ZNF385D: variants seen among roughly 807,000 people sequenced by gnomAD.
ZNF385D encodes zinc finger protein 659.
In ZNF385D, 15 loss-of-function variants were observed where a neutral mutation model predicts 35.8. The ratio of observed to expected loss-of-function variants is 0.42; its 90% confidence interval spans 0.28 to 0.64. ZNF385D has a LOEUF of 0.64. Ranked by LOEUF, ZNF385D falls within the 30% of genes least tolerant of loss-of-function variation. The pLI is 0.23. For missense variants in ZNF385D, 474 were observed against 494.6 expected (o/e 0.96, Z 0.39); for synonymous variants, 212 against 186.8 (o/e 1.13, Z -1.10).
intron 2 of ZNF385D, among the ~76,000 whole-genome samples, chr3:22,315,741 G>A (rs1283418300): frequency 6.6e-6 from 1 of 152,136 alleles, no homozygotes; most frequent in Non-Finnish European, 1.5e-5. Flanking sequence ...GTCATTCCCA[G>A]GAAAAAGCCA....
At chr3:22,124,732 A>G (rs757068241) in intron 3 of ZNF385D, among the ~76,000 whole-genome samples, 10 of 152,122 alleles carry the variant, frequency 6.6e-5, no homozygotes, top group African/African-American at 2.4e-4. Context: ...CGAATTGTCT[A>G]TTCAGATCTT....
chr3:22,285,994 A>C (rs546730932), intron 2 of ZNF385D, among the ~76,000 whole-genome samples: 1 of 152,234 alleles, frequency 6.6e-6, no homozygotes, highest in Non-Finnish European at 1.5e-5. Context: ...TCTCCACAGC[A>C]TTTCTTATTA....
At chr3:22,108,944 G>A (rs931248463) in intron 3 of ZNF385D, among the ~76,000 whole-genome samples, 8 of 152,102 alleles carry the variant, frequency 5.3e-5, no homozygotes, top group South Asian at 2.1e-4. Context: ...CCTGAGAAGC[G>A]GAGGTTGCAA....
chr3:21,643,338 T>A (rs1374098835), intron 2 of ZNF385D, among the ~76,000 whole-genome samples: 3 of 151,912 alleles, frequency 2.0e-5, no homozygotes, highest in African/African-American at 2.4e-5. Context: ...AATAAGAAGG[T>A]GAGTAGCAGA....
At chr3:21,526,818 T>C (rs1708254876) in intron 3 of ZNF385D, among the ~76,000 whole-genome samples, 1 of 152,228 alleles carries the variant, frequency 6.6e-6, no homozygotes, top group Non-Finnish European at 1.5e-5. Context: ...ATTAGCTAAT[T>C]GGAATGGCTT....
At position 22,020,995 on chromosome 3, in the gene ZNF385D, C is replaced by A. The variant is rs147092739; in HGVS notation, c.325+147822G>T. ...GCAGCAATATGGATGGAACAGGAGG[C>A]CATTATCTTAGGTGAAATAAGTCAG... is the stretch of plus-strand genomic sequence containing the variant. On this transcript the variant is annotated intron_variant, in intron 3 of 5. Transcript: ENST00000494108. 3.9e-3 allele frequency among the ~76,000 whole-genome samples: 588 copies of A among 151,742 alleles called. 1 individual carries two copies. Among genetic ancestry groups the A allele is most frequent in the African/African-American group, 0.014 (559 of 41,396 alleles).
chr3:22,093,957 T>A (rs780593824), intron 3 of ZNF385D, among the ~76,000 whole-genome samples: 3 of 152,084 alleles, frequency 2.0e-5, no homozygotes, highest in Non-Finnish European at 4.4e-5. Context: ...CCCCACCCAC[T>A]TGGTTCCATC....
intron 3 of ZNF385D, among the ~76,000 whole-genome samples, chr3:22,061,834 C>G (rs977747133): frequency 4.6e-5 from 7 of 152,128 alleles, no homozygotes; most frequent in Admixed American, 1.3e-4. Context: ...GATTACCTTT[C>G]TTTACACATC....
chr3:21,587,680 G>C (rs923990109), intron 2 of ZNF385D, among the ~76,000 whole-genome samples: 1 of 152,140 alleles, frequency 6.6e-6, no homozygotes, highest in Non-Finnish European at 1.5e-5. Flanking sequence ...TTAAATATAA[G>C]AATTATTGGT....
chr3:21,484,143 G>A (rs1289608699), intron 4 of ZNF385D, among the ~76,000 whole-genome samples: 3 of 152,160 alleles, frequency 2.0e-5, no homozygotes, highest in Non-Finnish European at 2.9e-5. Flanking sequence ...CTGAAATAAT[G>A]TGCTTAGAGA....
At chr3:21,582,053 A>T (rs1432862540) in intron 2 of ZNF385D, among the ~76,000 whole-genome samples, 1 of 152,214 alleles carries the variant, frequency 6.6e-6, no homozygotes, top group Non-Finnish European at 1.5e-5. Context: ...AGGGTACAGT[A>T]TTATCCTCAT....
At chr3:21,802,132 T>G (rs1039761631) in intron 3 of ZNF385D, among the ~76,000 whole-genome samples, 3 of 152,156 alleles carry the variant, frequency 2.0e-5, no homozygotes, top group African/African-American at 4.8e-5. Context: ...TGGAGACATT[T>G]TGCATAAAAT....
At chr3:21,889,268 G>C (rs1054209125) in intron 3 of ZNF385D, among the ~76,000 whole-genome samples, 4 of 152,102 alleles carry the variant, frequency 2.6e-5, no homozygotes, top group Non-Finnish European at 4.4e-5. Context: ...AACACAGCAG[G>C]CCTAGTATTG....
intron 3 of ZNF385D, among the ~76,000 whole-genome samples, chr3:22,009,305 T>C (rs1480059273): frequency 3.3e-5 from 5 of 151,932 alleles, no homozygotes; most frequent in Non-Finnish European, 5.9e-5. Flanking sequence ...TACTATGGAA[T>C]ATTATATATT....
intron 2 of ZNF385D, among the ~76,000 whole-genome samples, chr3:22,313,747 T>C (rs949880585): frequency 2.0e-5 from 3 of 152,178 alleles, no homozygotes; most frequent in Non-Finnish European, 2.9e-5. Context: ...AAAGTGATTT[T>C]AAAAATTTCT....
intron 2 of ZNF385D, among the ~76,000 whole-genome samples, chr3:22,195,222 A>G (rs1576477424): frequency 6.6e-6 from 1 of 152,028 alleles, no homozygotes; most frequent in East Asian, 1.9e-4. Flanking sequence ...CTTAATGACT[A>G]ATGATATTGA....
Position 22,162,981 on chromosome 3 carries a change from G to C in ZNF385D, c.325+5836C>G, listed in dbSNP as rs376565772. ...CGTAAGAAAAGCAGGACATAGTAGA[G>C]AGTGAGGTTAGCCTGTGATAGAATT... On this transcript the variant is annotated intron_variant, in intron 3 of 5. Transcript: ENST00000494108. Among the ~76,000 whole-genome samples, 5 of 152,286 alleles carry C rather than the reference G, an allele frequency of 3.3e-5. No individual in the cohort carries two copies. The South Asian group carries it at 6.2e-4, about 19-fold the overall frequency.
chr3:22,330,510 G>T (rs916210044), intron 2 of ZNF385D, among the ~76,000 whole-genome samples: 1 of 151,752 alleles, frequency 6.6e-6, no homozygotes, highest in African/African-American at 2.4e-5. Flanking sequence ...GAGCTTTTTT[G>T]TATCCCTGGT....
intron 1 of ZNF385D, among the ~76,000 whole-genome samples, chr3:21,681,979 C>G (rs575901289): frequency 6.6e-6 from 1 of 152,064 alleles, no homozygotes; most frequent in Admixed American, 6.6e-5. Flanking sequence ...ATAGTGAAAA[C>G]CATCATGACA....
Sources: allele counts gnomAD v4.1 joint callset (sites outside exome capture counted in the v4.1 genomes callset), GRCh38; gene constraint gnomAD v4.1.1; transcripts MANE v1.5; gene names NCBI Gene and HGNC (gene_info 2026-07-23, HGNC 2026-07-21).